IPMK: variants seen among roughly 807,000 people sequenced by gnomAD.
IPMK encodes inositol polyphosphate multikinase.
IPMK carries 17 observed loss-of-function variants against 45.8 expected under a neutral mutation model. The observed-to-expected ratio is 0.37, with a 90% CI of 0.25 to 0.56. The LOEUF (loss-of-function observed/expected upper bound fraction) is 0.56, where lower values mean the gene tolerates loss of function less well. IPMK is among the 20% of genes least tolerant of loss of function. The pLI is 0.79. For synonymous variants in IPMK, 180 were observed against 184.3 expected (o/e 0.98, Z 0.19); for missense variants, 399 against 498.0 (o/e 0.80, Z 1.89).
At chr10:58,253,824 T>TCTCC (rs1398630736) in intron 1 of IPMK, among the ~76,000 whole-genome samples, 1 of 151,800 alleles carries the variant, frequency 6.6e-6, no homozygotes, top group Non-Finnish European at 1.5e-5. Context: ...TTCCTTCCTC[T>TCTCC]CTCCCTCCCT....
intron 4 of IPMK, among the ~76,000 whole-genome samples, chr10:58,212,319 A>G (rs1485199470): frequency 6.6e-6 from 1 of 152,240 alleles, no homozygotes; most frequent in East Asian, 1.9e-4. Flanking sequence ...AAGGTATTCT[A>G]TCAAATGAGT....
At position 58,195,274 on chromosome 10, in the gene IPMK, T is replaced by C. The variant is rs1481322618; in HGVS notation, c.*802A>G. Reference sequence around the variant, plus strand: ...TTTAGATACAAAGGTATATGGTTTATGATACTTTCACAATGTAATAAATTT... The same window carrying C: ...TTTAGATACAAAGGTATATGGTTTACGATACTTTCACAATGTAATAAATTT... On this transcript the variant is annotated 3_prime_UTR_variant, in exon 6 of 6. Transcript: ENST00000373935. The C allele has an allele frequency of 6.6e-6, 1 of 152,112 alleles. No homozygotes were observed. The highest frequency in any genetic ancestry group is 1.9e-4 in the East Asian group (1 of 5,198). The allele number at this position is 152,112 out of a possible 1,614,324, so 9.4% of individuals were successfully genotyped here.
chr10:58,239,970 C>T (rs1838672765), intron 1 of IPMK, among the ~76,000 whole-genome samples: 1 of 152,116 alleles, frequency 6.6e-6, no homozygotes, highest in Non-Finnish European at 1.5e-5. Context: ...CATCACTTCC[C>T]ACGGTTCTTT....
At position 58,207,441 on chromosome 10, in the gene IPMK, T is replaced by C. The variant is rs1424870955; in HGVS notation, c.547-8120A>G. On this transcript the variant is annotated intron_variant, in intron 4 of 5. Transcript: ENST00000373935. The stretch of plus-strand genomic sequence containing the variant: ...GGTACCCAGTAGTGGGATTGCTAGA[T>C]CGAATGGTAGTTCTTTTAGTTCACA... 2.0e-5 allele frequency among the ~76,000 whole-genome samples: 3 copies of C among 152,252 alleles called. No homozygotes were observed. The East Asian group carries it at 5.8e-4, about 29-fold the overall frequency.
intron 2 of IPMK, among the ~76,000 whole-genome samples, chr10:58,235,914 A>T (rs1304665318): frequency 1.3e-5 from 2 of 152,118 alleles, no homozygotes. Flanking sequence ...CAAAACTCTT[A>T]AAGAACTTCT....
intron 4 of IPMK, among the ~76,000 whole-genome samples, chr10:58,208,591 G>A (rs889710286): frequency 6.6e-6 from 1 of 152,102 alleles, no homozygotes; most frequent in Non-Finnish European, 1.5e-5. Flanking sequence ...TAGGGATAAA[G>A]ACTCTGTATG....
intron 1 of IPMK, among the ~76,000 whole-genome samples, chr10:58,258,874 G>A (rs1340741227): frequency 2.0e-5 from 3 of 152,188 alleles, no homozygotes; most frequent in East Asian, 1.9e-4. Context: ...AATGGACAAC[G>A]AAGAAAAATC....
chr10:58,224,861 A>G (rs1838389398), intron 3 of IPMK, among the ~76,000 whole-genome samples: 1 of 152,232 alleles, frequency 6.6e-6, no homozygotes, highest in Non-Finnish European at 1.5e-5. Flanking sequence ...ATATGTTTTC[A>G]TGATCCTGTG....
At chr10:58,215,071 G>T (rs1467150016) in intron 4 of IPMK, among the ~76,000 whole-genome samples, 1 of 128,810 alleles carries the variant, frequency 7.8e-6, no homozygotes, top group Non-Finnish European at 1.6e-5. Flanking sequence ...CTCCTTCTTA[G>T]AATGTGGTAC....
intron 1 of IPMK, among the ~76,000 whole-genome samples, chr10:58,266,936 C>A (rs950086454): frequency 6.6e-6 from 1 of 152,152 alleles, no homozygotes; most frequent in Non-Finnish European, 1.5e-5. Context: ...CTCACCTCCC[C>A]CTAAAAAAGC....
At chr10:58,254,027 T>C (rs1037992437) in intron 1 of IPMK, among the ~76,000 whole-genome samples, 3 of 152,212 alleles carry the variant, frequency 2.0e-5, no homozygotes, top group African/African-American at 2.4e-5. Flanking sequence ...CCTCTCTAGG[T>C]TGAATTTGAA....
At position 58,216,463 on chromosome 10, in the gene IPMK, TA is replaced by T. The variant is rs1373052403; in HGVS notation, c.374-147del. The T allele has an allele frequency of 1.9e-3, 702 of 368,046 alleles. 1 individual carries two copies. Among genetic ancestry groups the T allele is most frequent in the Middle Eastern group, 5.2e-3 (7 of 1,344 alleles). The allele number at this position is 368,046 out of a possible 1,614,324, so 22.8% of individuals were successfully genotyped here. ...GTCAATAATTATTCTTAACTCTACC[TA>T]AAAAAAAAACCTAAACAACAAATTT... On this transcript the variant is annotated intron_variant, in intron 3 of 5. Transcript: ENST00000373935.
At chr10:58,215,949 A>C (rs1420140747) in intron 4 of IPMK, among the ~76,000 whole-genome samples, 196 bp downstream of exon 4, 3 of 152,194 alleles carry the variant, frequency 2.0e-5, no homozygotes, top group Non-Finnish European at 2.9e-5. Flanking sequence ...GAACCAGAGA[A>C]ACTGACCATA....
At chr10:58,256,844 C>T (rs1838976156) in intron 1 of IPMK, among the ~76,000 whole-genome samples, 1 of 152,162 alleles carries the variant, frequency 6.6e-6, no homozygotes, top group African/African-American at 2.4e-5. Context: ...AAGAGGAAAA[C>T]TTGAGCCAAG....
chr10:58,232,531 C>A (rs1466669071), intron 2 of IPMK, among the ~76,000 whole-genome samples: 1 of 152,178 alleles, frequency 6.6e-6, no homozygotes, highest in Admixed American at 6.5e-5. Context: ...GAAACTCACT[C>A]AAAACTGCAC....
chr10:58,205,362 AT>A (rs1838055955), intron 4 of IPMK, among the ~76,000 whole-genome samples: 1 of 152,186 alleles, frequency 6.6e-6, no homozygotes, highest in Admixed American at 6.5e-5. Flanking sequence ...CTGAATAGAC[AT>A]TTTTCCAAAG....
chr10:58,196,444 A>G lies in IPMK; in HGVS notation c.883T>C (p.Phe295Leu), dbSNP rs780067236. ...TTAGCTGTGGAACTTAACACATGAAAGTTATTATTGTACTCTAGTACTTCT... is the reference window on the plus strand; with the variant it reads ...TTAGCTGTGGAACTTAACACATGAAGGTTATTATTGTACTCTAGTACTTCT... ...DTEVLEYNNN[F>L]HVLSSTANGK... Residue 295 changes from phenylalanine to leucine, a missense_variant, in exon 6 of 6, where the codon TTT becomes CTT. By Grantham distance (22) the Phe-to-Leu change is conservative. Transcript: ENST00000373935. 6.2e-7 allele frequency: 1 copy of G among 1,614,150 alleles called. No individual in the cohort carries two copies. The highest frequency in any genetic ancestry group is 1.1e-5 in the South Asian group (1 of 91,086).
intron 5 of IPMK, among the ~76,000 whole-genome samples, chr10:58,197,586 C>T (rs1229671031): frequency 1.3e-5 from 2 of 150,050 alleles, no homozygotes; most frequent in African/African-American, 4.9e-5. Context: ...GAAGGCGGAG[C>T]TTGCAGCGAG....
chr10:58,213,183 G>A (rs1838191637), intron 4 of IPMK: 1 of 152,100 alleles, frequency 6.6e-6, no homozygotes, highest in Admixed American at 6.6e-5. Context: ...AGTTCAAGAT[G>A]TCTTTAAGCA....
Sources: gnomAD v4.1 joint callset for allele counts (sites outside exome capture counted in the v4.1 genomes callset) on GRCh38, gnomAD v4.1.1 for gene constraint, MANE v1.5 for transcripts, NCBI Gene and HGNC (gene_info 2026-07-23, HGNC 2026-07-21) for gene names.